SLC66A2: variants seen among roughly 807,000 people sequenced by gnomAD.
The protein encoded by SLC66A2 is solute carrier family 66 member 2, also known as PQ loop repeat containing 1.
SLC66A2 carries 23 observed loss-of-function variants against 25.5 expected under a neutral mutation model. That is an observed-to-expected ratio of 0.90 (90% CI 0.65 to 1.28). The LOEUF is 1.28. SLC66A2 is among the 50% of genes most tolerant of loss of function. The pLI, the probability that SLC66A2 is intolerant of heterozygous loss-of-function variation, is 0.00. For synonymous variants in SLC66A2, 193 were observed against 166.5 expected (o/e 1.16, Z -1.23); for missense variants, 396 against 373.1 (o/e 1.06, Z -0.51).
intron 5 of SLC66A2, among the ~76,000 whole-genome samples, chr18:79,916,335 T>C (rs1358553989): frequency 6.6e-6 from 1 of 151,016 alleles, no homozygotes; most frequent in Non-Finnish European, 1.5e-5. Context: ...CCCACAGTGC[T>C]TCTGTAGCTC....
intron 5 of SLC66A2, among the ~76,000 whole-genome samples, chr18:79,905,322 G>C (rs1194208080): frequency 6.6e-6 from 1 of 152,212 alleles, no homozygotes; most frequent in Non-Finnish European, 1.5e-5. Context: ...TCCTCCCCTG[G>C]ATGCAGCTCC....
chr18:79,905,842 T>C (rs1232047614), intron 5 of SLC66A2, among the ~76,000 whole-genome samples: 1 of 152,228 alleles, frequency 6.6e-6, no homozygotes, highest in Non-Finnish European at 1.5e-5. Context: ...TTTCAACACT[T>C]TGTTTCTAAT....
At chr18:79,909,674 C>A (rs1416118930) in intron 5 of SLC66A2, among the ~76,000 whole-genome samples, 4 of 132,024 alleles carry the variant, frequency 3.0e-5, no homozygotes, top group Middle Eastern at 5.3e-3. Context: ...CCTTCCCCAC[C>A]ATCTCACAAC....
In SLC66A2 at chr18:79,904,891, C is replaced by T. The variant is rs1245354840; in HGVS notation, c.609-708G>A. On this transcript the variant is annotated intron_variant, in intron 5 of 5. Coordinates refer to ENST00000397778, the MANE Select transcript of SLC66A2 (RefSeq NM_025078.5). This position sits in a 1 kb window ranked among gnomAD's most constrained non-coding sequence, Gnocchi z 6.3. ...TCAGCGGCCGCTGACCCTTCCACAG[C>T]TCCTGAAGCCAGAGGCAGAGCCTGG... Among the ~76,000 whole-genome samples, 1 of 152,226 alleles carries T rather than the reference C, an allele frequency of 6.6e-6. No homozygotes were observed. The highest frequency in any genetic ancestry group is 6.5e-5 in the Admixed American group (1 of 15,284).
chr18:79,904,977 C>T lies in SLC66A2; in HGVS notation c.609-794G>A, dbSNP rs1361123153. ...CAGCCCTCCCCCACCCTGGGGCGTC[C>T]GTCCCGCTCATAAGCCAGGGTGGGC... On this transcript the variant is annotated intron_variant, in intron 5 of 5. Coordinates refer to ENST00000397778, the MANE Select transcript of SLC66A2 (RefSeq NM_025078.5). The surrounding 1 kb of genome is among the most constrained non-coding windows in gnomAD (Gnocchi z 6.3). Among the ~76,000 whole-genome samples, 2 of 152,186 alleles carry T rather than the reference C, an allele frequency of 1.3e-5. No homozygotes were observed. Among genetic ancestry groups the T allele is most frequent in the African/African-American group, 2.4e-5 (1 of 41,450 alleles).
intron 3 of SLC66A2, 123 bp from the exon 4 acceptor site, chr18:79,934,145 AC>A: frequency 1.3e-6 from 1 of 776,684 alleles, no homozygotes; most frequent in Non-Finnish European, 2.1e-6. Context: ...AAAAAAACAA[AC>A]CAGAATAGAA....
chr18:79,916,271 G>GCAGCGCTCCCGTACCTGTGGTGCTCCCA (rs1984133252), intron 5 of SLC66A2, among the ~76,000 whole-genome samples: 1 of 136,334 alleles, frequency 7.3e-6, no homozygotes, highest in African/African-American at 2.8e-5. Flanking sequence ...CAGTGCTCCC[G>GCAGCGCTCCCGTACCTGTGGTGCTCCCA]TACCCGTGGT....
At chr18:79,910,957 G>C (rs1983020971) in intron 5 of SLC66A2, among the ~76,000 whole-genome samples, 1 of 152,264 alleles carries the variant, frequency 6.6e-6, no homozygotes, top group Admixed American at 6.5e-5. Context: ...GTAAAGCCAT[G>C]TGGTCTGCAA....
chr18:79,918,486 G>C lies in SLC66A2; in HGVS notation c.608+698C>G, dbSNP rs1288552573. 6.6e-6 allele frequency among the ~76,000 whole-genome samples: 1 copy of C among 151,532 alleles called. No individual in the cohort carries two copies. Among genetic ancestry groups the C allele is most frequent in the African/African-American group, 2.4e-5 (1 of 41,202 alleles). ...CCCCAGTGAGGAGCGGCACCGGGGGGTCCCCAGTGAGGAGCGGGCCTGGGG... is the reference window on the plus strand; with the variant it reads ...CCCCAGTGAGGAGCGGCACCGGGGGCTCCCCAGTGAGGAGCGGGCCTGGGG... On this transcript the variant is annotated intron_variant, in intron 5 of 5. Transcript: ENST00000397778. The surrounding 1 kb of genome is among the most constrained non-coding windows in gnomAD (Gnocchi z 4.0).
chr18:79,931,253 C>T lies in SLC66A2; in HGVS notation c.391+2716G>A, dbSNP rs1986537436. On this transcript the variant is annotated intron_variant, in intron 4 of 5. Coordinates refer to ENST00000397778, the MANE Select transcript of SLC66A2 (RefSeq NM_025078.5). ...ATTAAGTGTGAATGAAATAAACAAT[C>T]AAATCAAAGGGCAGAATTGCCAGAA... is the stretch of plus-strand genomic sequence containing the variant. 2.6e-5 allele frequency among the ~76,000 whole-genome samples: 4 copies of T among 152,204 alleles called. No individual in the cohort carries two copies. The South Asian group carries it at 8.3e-4, about 32-fold the overall frequency.
intron 5 of SLC66A2, among the ~76,000 whole-genome samples, chr18:79,911,704 C>G (rs113658376): frequency 6.6e-6 from 1 of 152,198 alleles, no homozygotes; most frequent in South Asian, 2.1e-4. Flanking sequence ...TCCCCCACCC[C>G]CCTAGCTACA....
rs143159374 is a variant in SLC66A2, at chr18:79,927,036, C to A, written c.391+6933G>T. The stretch of plus-strand genomic sequence containing the variant: ...GACTCTCCAGGAAAAAACAAAAAAA[C>A]GAAAAAACTTCTCACTTCCTTCAAA... On this transcript the variant is annotated intron_variant, in intron 4 of 5. Coordinates refer to ENST00000397778, the MANE Select transcript of SLC66A2 (RefSeq NM_025078.5). The surrounding 1 kb of genome is among the most constrained non-coding windows in gnomAD (Gnocchi z 6.2). 6.6e-6 allele frequency among the ~76,000 whole-genome samples: 1 copy of A among 152,182 alleles called. No individual in the cohort carries two copies. The highest frequency in any genetic ancestry group is 6.5e-5 in the Admixed American group (1 of 15,288).
intron 4 of SLC66A2, among the ~76,000 whole-genome samples, chr18:79,926,656 T>C (rs1203511067): frequency 1.5e-5 from 2 of 132,674 alleles, no homozygotes; most frequent in East Asian, 4.3e-4. Context: ...GGGAGGAAAT[T>C]GCTCTTTTTT....
intron 3 of SLC66A2, among the ~76,000 whole-genome samples, chr18:79,938,058 T>C (rs1258589387): frequency 1.3e-5 from 2 of 151,600 alleles, no homozygotes; most frequent in Non-Finnish European, 2.9e-5. Flanking sequence ...GGAGGATCGC[T>C]TGGCTTGAAC....
intron 5 of SLC66A2, among the ~76,000 whole-genome samples, chr18:79,906,902 T>C (rs560465816): frequency 6.6e-6 from 1 of 152,366 alleles, no homozygotes; most frequent in African/African-American, 2.4e-5. Context: ...CAGTTTATCA[T>C]GATGCAATGT....
At chr18:79,947,503 A>G (rs944516874) in intron 2 of SLC66A2, among the ~76,000 whole-genome samples, 6 of 24,236 alleles carry the variant, frequency 2.5e-4, no homozygotes, top group African/African-American at 5.2e-4. Flanking sequence ...ATGCCCCAAC[A>G]GCTTTGGAGG....
rs9963291 is a variant in SLC66A2 at position 79,927,816 on chromosome 18, T to C, written c.391+6153A>G. On this transcript the variant is annotated intron_variant, in intron 4 of 5. Coordinates refer to ENST00000397778, the MANE Select transcript of SLC66A2 (RefSeq NM_025078.5). The surrounding 1 kb of genome is among the most constrained non-coding windows in gnomAD (Gnocchi z 6.2). ...CAAATCAAGCAACTGCCGAGACAGG[T>C]GTCCGCGTCCCAACCCAAGGCTGCC... Among the ~76,000 whole-genome samples the C allele has an allele frequency of 1, 152,248 of 152,290 alleles. 76,103 individuals are homozygous for C. The highest frequency in any genetic ancestry group is 1 in the Middle Eastern group (294 of 294).
chr18:79,926,672 TCA>T (rs1985992332), intron 4 of SLC66A2, among the ~76,000 whole-genome samples: 13 of 151,796 alleles, frequency 8.6e-5, no homozygotes, highest in Middle Eastern at 6.8e-3. Flanking sequence ...TTTTTTTTTT[TCA>T]TGATTCTTGT....
chr18:79,928,099 G>C (rs1986187761), intron 4 of SLC66A2, among the ~76,000 whole-genome samples: 1 of 152,242 alleles, frequency 6.6e-6, no homozygotes. Context: ...CCGCGGCCAA[G>C]GGAGCCATGG....
Sources: gnomAD v4.1 joint callset for allele counts (sites outside exome capture counted in the v4.1 genomes callset) on GRCh38, gnomAD v4.1.1 for gene constraint, Gnocchi (gnomAD v3.1) non-coding constraint, MANE v1.5 for transcripts, NCBI Gene and HGNC (gene_info 2026-07-23, HGNC 2026-07-21) for gene names.